LUC7L3: variants seen among roughly 807,000 people sequenced by gnomAD.
The protein encoded by LUC7L3 is LUC7 like 3 pre-mRNA splicing factor.
A neutral mutation model predicts 66.8 loss-of-function variants in LUC7L3; 6 were observed. That is an observed-to-expected ratio of 0.09 (90% CI 0.05 to 0.18). The LOEUF is 0.18. Ranked by LOEUF, LUC7L3 falls within the 10% of genes least tolerant of loss-of-function variation. The pLI, the probability that LUC7L3 is intolerant of heterozygous loss-of-function variation, is 1.00. For synonymous variants in LUC7L3, 160 were observed against 174.7 expected (o/e 0.92, Z 0.66); for missense variants, 341 against 531.1 (o/e 0.64, Z 3.52).
intron 1 of LUC7L3, among the ~76,000 whole-genome samples, chr17:50,731,632 A>G (rs1192375848): frequency 7.2e-5 from 11 of 152,220 alleles, no homozygotes; most frequent in Non-Finnish European, 2.9e-5. Flanking sequence ...GTAGAGTAAC[A>G]GATAATTCTG....
At chr17:50,747,028 C>CTT (rs141539929) in intron 9 of LUC7L3, among the ~76,000 whole-genome samples, 1 of 146,742 alleles carries the variant, frequency 6.8e-6, no homozygotes, top group South Asian at 2.1e-4. Context: ...TTATTGGCTC[C>CTT]TTTTTTTTTT....
At position 50,751,014 on chromosome 17, in the gene LUC7L3, G is replaced by A. The variant is rs566853280; in HGVS notation, c.*353G>A. Reference sequence around the variant, plus strand: ...ATTTCTTTTTTTTTTTTAATAAAAAGGTTGAACTGTTTTTTTTTTTCTTTT... The same window carrying A: ...ATTTCTTTTTTTTTTTTAATAAAAAAGTTGAACTGTTTTTTTTTTTCTTTT... On this transcript the variant is annotated 3_prime_UTR_variant, in exon 10 of 10. Transcript: ENST00000505658. 1.4e-6 allele frequency: 2 copies of A among 1,435,552 alleles called. No individual in the cohort carries two copies. The highest frequency in any genetic ancestry group is 9.1e-7 in the Non-Finnish European group (1 of 1,102,416). 88.9% of individuals were successfully genotyped at this position (1,435,552 alleles called of 1,614,324 possible).
chr17:50,746,328 A>G (rs1214297235), intron 8 of LUC7L3, among the ~76,000 whole-genome samples: 1 of 152,220 alleles, frequency 6.6e-6, no homozygotes, highest in Non-Finnish European at 1.5e-5. Flanking sequence ...TACAAATTGA[A>G]GAAGAGTCTT....
Position 50,750,688 on chromosome 17 carries a change from G to A in LUC7L3, c.*27G>A, listed in dbSNP as rs373603231. Reference sequence around the variant, plus strand: ...ACTGATCTGATAAGACCTCAGATCAGACAGAGGTAAGTGTATTGTTTCTCA... The same window carrying A: ...ACTGATCTGATAAGACCTCAGATCAAACAGAGGTAAGTGTATTGTTTCTCA... On this transcript the variant is annotated 3_prime_UTR_variant, in exon 10 of 10. Transcript: ENST00000505658. 6.2e-7 allele frequency: 1 copy of A among 1,613,990 alleles called. No homozygotes were observed. Among genetic ancestry groups the A allele is most frequent in the Non-Finnish European group, 8.5e-7 (1 of 1,179,922 alleles).
At chr17:50,740,240 T>C in intron 2 of LUC7L3, 66 bp from the exon 3 acceptor site, 1 of 1,241,402 alleles carries the variant, frequency 8.1e-7, no homozygotes, top group Non-Finnish European at 1.1e-6. Flanking sequence ...AATAACTCTT[T>C]TTTTTTGGCA....
chr17:50,720,358 TAAC>T (rs2146675160), intron 1 of LUC7L3, among the ~76,000 whole-genome samples: 1 of 152,368 alleles, frequency 6.6e-6, no homozygotes, highest in East Asian at 1.9e-4. Flanking sequence ...TATTGTTCGT[TAAC>T]AGTATTCTAA....
In LUC7L3 at chr17:50,724,611, T is replaced by TTGTGTGTGTGTGTGTG. The variant is rs58361696; in HGVS notation, c.99+4800_99+4815dup. On this transcript the variant is annotated intron_variant, in intron 1 of 9. Coordinates refer to ENST00000505658, the MANE Select transcript of LUC7L3 (RefSeq NM_016424.5). ...TAAATCTTTGGTTGCTTTAGGAAAA[T>TTGTGTGTGTGTGTGTG]TGTGTGTGTGTGTGTGTGTGTGTGT... 3.4e-3 allele frequency among the ~76,000 whole-genome samples: 500 copies of TTGTGTGTGTGTGTGTG among 147,254 alleles called. 8 individuals are homozygous for TTGTGTGTGTGTGTGTG. The highest frequency in any genetic ancestry group is 0.021 in the Admixed American group (306 of 14,700).
chr17:50,721,175 A>G (rs1356349432), intron 1 of LUC7L3, among the ~76,000 whole-genome samples: 1 of 152,060 alleles, frequency 6.6e-6, no homozygotes, highest in East Asian at 1.9e-4. Flanking sequence ...TCAAAATCCT[A>G]AGTAAGGTAA....
At chr17:50,732,464 C>T (rs770562752) in intron 1 of LUC7L3, among the ~76,000 whole-genome samples, 1 of 152,174 alleles carries the variant, frequency 6.6e-6, no homozygotes, top group Admixed American at 6.5e-5. Flanking sequence ...TCACTGCAGC[C>T]TCAACCTCCT....
Position 50,752,439 on chromosome 17 carries a change from C to CT in LUC7L3, c.*1781dup, listed in dbSNP as rs1413201561. Reference sequence around the variant, plus strand: ...CTTAGGTCCTGTATCATACTTTTTTCTTTAAGACTTTTTAAGAAATATTAC... The same window carrying CT: ...CTTAGGTCCTGTATCATACTTTTTTCTTTTAAGACTTTTTAAGAAATATTAC... On this transcript the variant is annotated 3_prime_UTR_variant, in exon 10 of 10. Coordinates refer to ENST00000505658, the MANE Select transcript of LUC7L3 (RefSeq NM_016424.5). 2 of 187,926 alleles carry CT rather than the reference C, an allele frequency of 1.1e-5. No individual in the cohort carries two copies. The highest frequency in any genetic ancestry group is 6.1e-5 in the Admixed American group (1 of 16,394). The allele number at this position is 187,926 out of a possible 1,614,324, so 11.6% of individuals were successfully genotyped here. A position where few individuals can be genotyped will look rare whatever the true frequency, so the allele number is the denominator to read the frequency against.
chr17:50,750,865 G>A lies in LUC7L3; in HGVS notation c.*204G>A. Reference sequence around the variant, plus strand: ...AAAACATTTTGAGGTACATTGTTTTGTCTCAGCTATTTTGTAGCAGACTCG... The same window carrying A: ...AAAACATTTTGAGGTACATTGTTTTATCTCAGCTATTTTGTAGCAGACTCG... On this transcript the variant is annotated 3_prime_UTR_variant, in exon 10 of 10. Coordinates refer to ENST00000505658, the MANE Select transcript of LUC7L3 (RefSeq NM_016424.5). 6.5e-7 allele frequency: 1 copy of A among 1,537,058 alleles called. No homozygotes were observed. Among genetic ancestry groups the A allele is most frequent in the Non-Finnish European group, 8.7e-7 (1 of 1,146,956 alleles).
Position 50,754,219 on chromosome 17 carries a change from C to T in LUC7L3, c.*3558C>T, listed in dbSNP as rs1461502543. The stretch of plus-strand genomic sequence containing the variant: ...TCAGATTGCTTGGTAAGTTTGGAAT[C>T]TGCAATCAGTTGGTCTTAAAAAAAA... On this transcript the variant is annotated 3_prime_UTR_variant, in exon 10 of 10. Transcript: ENST00000505658. 1.3e-5 allele frequency: 2 copies of T among 148,484 alleles called. No individual in the cohort carries two copies. Among genetic ancestry groups the T allele is most frequent in the Non-Finnish European group, 3.0e-5 (2 of 67,418 alleles). The allele number at this position is 148,484 out of a possible 1,614,324, so 9.2% of individuals were successfully genotyped here. A position where few individuals can be genotyped will look rare whatever the true frequency, so the allele number is the denominator to read the frequency against.
At chr17:50,723,861 C>A in intron 1 of LUC7L3, 1 of 403,022 alleles carries the variant, frequency 2.5e-6, no homozygotes, top group South Asian at 1.7e-5. Context: ...TCTTGAACTC[C>A]TGACCTCAAG....
intron 2 of LUC7L3, among the ~76,000 whole-genome samples, chr17:50,738,368 C>T (rs966319369): frequency 1.3e-5 from 2 of 152,116 alleles, no homozygotes; most frequent in African/African-American, 4.8e-5. Context: ...ACCAGCCAGA[C>T]GTTCGAAGAA....
intron 1 of LUC7L3, chr17:50,736,631 A>C (rs1441937675): frequency 4.0e-6 from 1 of 247,688 alleles, no homozygotes; most frequent in Non-Finnish European, 7.8e-6. Context: ...AATGATAAGA[A>C]TAGCGTAAGA....
At chr17:50,749,402 G>A (rs1970867930) in intron 9 of LUC7L3, 5 of 1,230,942 alleles carry the variant, frequency 4.1e-6, no homozygotes, top group Middle Eastern at 2.6e-4. Flanking sequence ...CAGACATGAA[G>A]CAAGTCTTGC....
intron 1 of LUC7L3, among the ~76,000 whole-genome samples, chr17:50,726,985 A>G (rs1472537335): frequency 1.3e-5 from 2 of 152,114 alleles, no homozygotes; most frequent in African/African-American, 4.8e-5. Context: ...GCTACTCAGG[A>G]GGCTGAGGCA....
chr17:50,740,484 GTTCTAT>G, intron 3 of LUC7L3, 139 bp downstream of exon 3: 1 of 736,186 alleles, frequency 1.4e-6, no homozygotes, highest in African/African-American at 1.8e-5. Flanking sequence ...TAGTAAGAAA[GTTCTAT>G]AGCTTCAGTA....
At chr17:50,747,481 C>T (rs923547962) in intron 9 of LUC7L3, among the ~76,000 whole-genome samples, 4 of 151,820 alleles carry the variant, frequency 2.6e-5, no homozygotes, top group Admixed American at 6.6e-5. Context: ...TTGTGCTTTG[C>T]ATGGTTTTAG....
Sources: allele counts gnomAD v4.1 joint callset (sites outside exome capture counted in the v4.1 genomes callset), GRCh38; gene constraint gnomAD v4.1.1; transcripts MANE v1.5; gene names NCBI Gene and HGNC (gene_info 2026-07-23, HGNC 2026-07-21).